NKAIN2: variants seen among roughly 807,000 people sequenced by gnomAD.
NKAIN2 encodes the protein sodium/potassium transporting ATPase interacting 2.
In NKAIN2, 14 loss-of-function variants were observed where a neutral mutation model predicts 32.6. That is an observed-to-expected ratio of 0.43 (90% CI 0.28 to 0.67). NKAIN2 has a LOEUF of 0.67. Ranked by LOEUF, NKAIN2 falls within the 30% of genes least tolerant of loss-of-function variation. The probability of loss-of-function intolerance (pLI) is 0.17; values close to 1 mark genes in which losing one functional copy is unlikely to be tolerated. For missense variants in NKAIN2, 198 were observed against 258.3 expected (o/e 0.77, Z 1.60); for synonymous variants, 80 against 87.2 (o/e 0.92, Z 0.46).
At chr6:123,962,525 G>A (rs1213010881) in intron 1 of NKAIN2, among the ~76,000 whole-genome samples, 1 of 152,122 alleles carries the variant, frequency 6.6e-6, no homozygotes, top group Admixed American at 6.5e-5. Flanking sequence ...GCATAACGTT[G>A]AGGAATTTCT....
intron 4 of NKAIN2, among the ~76,000 whole-genome samples, chr6:124,663,239 A>G (rs1229424760): frequency 6.6e-6 from 1 of 152,078 alleles, no homozygotes; most frequent in Non-Finnish European, 1.5e-5. Flanking sequence ...AGCCTGATCA[A>G]CATGGTGAAA....
At chr6:123,937,986 C>CGTGA (rs1776595893) in intron 1 of NKAIN2, among the ~76,000 whole-genome samples, 1 of 17,946 alleles carries the variant, frequency 5.6e-5, no homozygotes, top group Non-Finnish European at 9.5e-5. Flanking sequence ...GGGCCTTGAA[C>CGTGA]ATACACGAAA....
intron 2 of NKAIN2, among the ~76,000 whole-genome samples, chr6:124,336,579 G>A (rs973108025): frequency 4.6e-5 from 7 of 151,890 alleles, no homozygotes; most frequent in Admixed American, 4.6e-4. Flanking sequence ...CTTTATATAT[G>A]AGAAATTTTT....
At chr6:124,803,241 G>A (rs1008524427) in intron 5 of NKAIN2, among the ~76,000 whole-genome samples, 7 of 152,094 alleles carry the variant, frequency 4.6e-5, no homozygotes, top group African/African-American at 9.7e-5. Context: ...CAAGAACCTC[G>A]ACAAATCTCT....
chr6:124,680,732 A>G (rs1345592998), intron 4 of NKAIN2, among the ~76,000 whole-genome samples: 2 of 152,118 alleles, frequency 1.3e-5, no homozygotes, highest in Admixed American at 6.6e-5. Context: ...GACAAAATAA[A>G]GGTTAAATAT....
At chr6:124,267,352 T>C (rs1300305419) in intron 1 of NKAIN2, among the ~76,000 whole-genome samples, 1 of 152,044 alleles carries the variant, frequency 6.6e-6, no homozygotes, top group Non-Finnish European at 1.5e-5. Context: ...TTGGTAAGAA[T>C]GTATTTTTCA....
chr6:124,607,439 T>C (rs1000389262), intron 3 of NKAIN2, among the ~76,000 whole-genome samples: 2 of 152,216 alleles, frequency 1.3e-5, no homozygotes, highest in South Asian at 4.1e-4. Context: ...CTGCCTTATT[T>C]GGGCATGATA....
chr6:123,864,045 C>G (rs1185729077), intron 1 of NKAIN2, among the ~76,000 whole-genome samples: 1 of 152,154 alleles, frequency 6.6e-6, no homozygotes, highest in East Asian at 1.9e-4. Flanking sequence ...CTACTACTTC[C>G]TCTAGCCTCA....
At chr6:124,001,476 A>G (rs1253564596) in intron 1 of NKAIN2, among the ~76,000 whole-genome samples, 2 of 152,006 alleles carry the variant, frequency 1.3e-5, no homozygotes, top group Non-Finnish European at 1.5e-5. Context: ...ATTGTTTAAA[A>G]TTGATATCTG....
At chr6:123,810,229 G>T (rs567160957) in intron 1 of NKAIN2, among the ~76,000 whole-genome samples, 193 of 152,054 alleles carry the variant, frequency 1.3e-3, no homozygotes, top group African/African-American at 4.3e-3. Flanking sequence ...ATTCAAACCC[G>T]GGTCTGTCTG....
chr6:124,510,855 A>G lies in NKAIN2; in HGVS notation c.274-147331A>G, dbSNP rs1583361209. On this transcript the variant is annotated intron_variant, in intron 3 of 6. Transcript: ENST00000368417. ...TATATCAGGTAATAACTTCCCACAA[A>G]ATATCAAGGGAGAATTCTAACTTCA... Among the ~76,000 whole-genome samples the G allele has an allele frequency of 2.6e-5, 4 of 152,312 alleles. No homozygotes were observed. In the East Asian group the frequency reaches 7.7e-4, roughly 29 times the overall value.
At chr6:124,438,175 C>A (rs940760095) in intron 3 of NKAIN2, among the ~76,000 whole-genome samples, 2 of 151,944 alleles carry the variant, frequency 1.3e-5, no homozygotes, top group Non-Finnish European at 2.9e-5. Context: ...AGAAAGAAAA[C>A]CAAAATTTAG....
At chr6:124,653,964 C>T (rs1419808254) in intron 3 of NKAIN2, among the ~76,000 whole-genome samples, 3 of 151,954 alleles carry the variant, frequency 2.0e-5, no homozygotes, top group East Asian at 1.9e-4. Flanking sequence ...GTCTCAACAT[C>T]GTATGTCATC....
chr6:124,164,292 C>T (rs557588736), intron 1 of NKAIN2, among the ~76,000 whole-genome samples: 5 of 152,036 alleles, frequency 3.3e-5, no homozygotes, highest in Admixed American at 3.3e-4. Context: ...TGTATTAAAG[C>T]GCCCCAGGAA....
At chr6:124,291,477 T>G (rs2114948139) in intron 2 of NKAIN2, among the ~76,000 whole-genome samples, 1 of 152,114 alleles carries the variant, frequency 6.6e-6, no homozygotes, top group Admixed American at 6.6e-5. Context: ...TCATCCTCTG[T>G]CTCTAGATCC....
At chr6:124,660,296 TAG>T (rs1292324709) in intron 4 of NKAIN2, among the ~76,000 whole-genome samples, 1 of 152,204 alleles carries the variant, frequency 6.6e-6, no homozygotes, top group African/African-American at 2.4e-5. Context: ...TGACTATTTA[TAG>T]AGTTTTTTGA....
chr6:123,892,890 C>G (rs1050155824), intron 1 of NKAIN2, among the ~76,000 whole-genome samples: 1 of 151,288 alleles, frequency 6.6e-6, no homozygotes, highest in African/African-American at 2.4e-5. Context: ...AATTTCTTGC[C>G]TTGATATTGA....
At chr6:124,742,650 A>G (rs1777273596) in intron 4 of NKAIN2, among the ~76,000 whole-genome samples, 2 of 151,874 alleles carry the variant, frequency 1.3e-5, no homozygotes, top group South Asian at 4.1e-4. Context: ...CTTAACCAAT[A>G]CAAGTCGACT....
chr6:124,159,571 A>G (rs1346932738), intron 1 of NKAIN2, among the ~76,000 whole-genome samples: 1 of 152,204 alleles, frequency 6.6e-6, no homozygotes, highest in Non-Finnish European at 1.5e-5. Context: ...ACTAAACGTG[A>G]TGTCTTTGAA....
Sources: allele counts gnomAD v4.1 joint callset (sites outside exome capture counted in the v4.1 genomes callset), GRCh38; gene constraint gnomAD v4.1.1; transcripts MANE v1.5; gene names NCBI Gene and HGNC (gene_info 2026-07-23, HGNC 2026-07-21).